FAT3: variants seen among roughly 807,000 people sequenced by gnomAD.
FAT3 encodes the protein protocadherin Fat 3.
A neutral mutation model predicts 310.2 loss-of-function variants in FAT3; 95 were observed. The ratio of observed to expected loss-of-function variants is 0.31; its 90% CI spans 0.26 to 0.36. The LOEUF (loss-of-function observed/expected upper bound fraction) is 0.36. Among genes scored for constraint, FAT3 ranks in the 10% least tolerant of loss-of-function variants. FAT3 has a pLI of 1.00. For synonymous variants in FAT3, 2,314 were observed against 2,192.9 expected (o/e 1.06, Z -1.54); for missense variants, 5,408 against 5,715.6 (o/e 0.95, Z 1.74).
At chr11:92,843,461 T>C (rs907297976) in intron 18 of FAT3, among the ~76,000 whole-genome samples, 5 of 152,236 alleles carry the variant, frequency 3.3e-5, no homozygotes, top group African/African-American at 1.2e-4. Context: ...ATTTGAAACC[T>C]TACCATGATA....
chr11:92,385,404 G>T (rs566835811), intron 2 of FAT3, among the ~76,000 whole-genome samples: 1 of 152,228 alleles, frequency 6.6e-6, no homozygotes, highest in South Asian at 2.1e-4. Flanking sequence ...ATCTTGCTCT[G>T]TTGCCCAGGC....
chr11:92,523,947 C>T (rs1953768568), intron 2 of FAT3, among the ~76,000 whole-genome samples: 1 of 152,160 alleles, frequency 6.6e-6, no homozygotes, highest in Non-Finnish European at 1.5e-5. Context: ...GAGCATCTCT[C>T]AAAGTGGCTC....
chr11:92,539,382 G>A (rs1954367843), intron 3 of FAT3, among the ~76,000 whole-genome samples: 1 of 152,066 alleles, frequency 6.6e-6, no homozygotes, highest in South Asian at 2.1e-4. Flanking sequence ...ATTTATATTT[G>A]CCTGCATATG....
At chr11:92,432,978 C>A (rs372703449) in intron 2 of FAT3, among the ~76,000 whole-genome samples, 53 of 152,280 alleles carry the variant, frequency 3.5e-4, no homozygotes, top group African/African-American at 1.3e-3. Flanking sequence ...AGAGGCTTTG[C>A]GGCACTACGT....
chr11:92,824,633 T>G (rs188353964), intron 13 of FAT3, among the ~76,000 whole-genome samples: 1 of 152,200 alleles, frequency 6.6e-6, no homozygotes, highest in Non-Finnish European at 1.5e-5. Context: ...TTATTTCTCA[T>G]GTACATAATT....
At chr11:92,886,342 T>TGG (rs1949796916) in intron 24 of FAT3, among the ~76,000 whole-genome samples, 1 of 151,950 alleles carries the variant, frequency 6.6e-6, no homozygotes, top group Non-Finnish European at 1.5e-5. Flanking sequence ...TGTGTGTGTG[T>TGG]GTGTGTGTGC....
At chr11:92,855,434 A>G (rs944842556) in intron 19 of FAT3, among the ~76,000 whole-genome samples, 28 of 152,266 alleles carry the variant, frequency 1.8e-4, no homozygotes, top group African/African-American at 6.5e-4. Context: ...TATTATCATC[A>G]TGTGTTTTCA....
chr11:92,362,969 CT>C (rs1405886919), intron 2 of FAT3, among the ~76,000 whole-genome samples: 1 of 152,146 alleles, frequency 6.6e-6, no homozygotes, highest in Admixed American at 6.5e-5. Flanking sequence ...CTAACTTATG[CT>C]CTCCACATCT....
chr11:92,608,258 A>G (rs1407943965), intron 3 of FAT3, among the ~76,000 whole-genome samples: 1 of 152,138 alleles, frequency 6.6e-6, no homozygotes, highest in African/African-American at 2.4e-5. Flanking sequence ...TTCCATTTCT[A>G]GTGAGTTGTT....
At chr11:92,846,880 G>A (rs1948696328) in intron 19 of FAT3, among the ~76,000 whole-genome samples, 2 of 152,186 alleles carry the variant, frequency 1.3e-5, no homozygotes, top group Admixed American at 6.5e-5. Context: ...GCTATAAAAT[G>A]AAATTCTAGA....
chr11:92,431,650 A>T (rs1950782976), intron 2 of FAT3, among the ~76,000 whole-genome samples: 1 of 152,198 alleles, frequency 6.6e-6, no homozygotes, highest in Non-Finnish European at 1.5e-5. Context: ...TTTAGGTCTA[A>T]CATGTAAGTC....
At chr11:92,393,967 A>G (rs149933583) in intron 2 of FAT3, among the ~76,000 whole-genome samples, 1 of 152,238 alleles carries the variant, frequency 6.6e-6, no homozygotes, top group Non-Finnish European at 1.5e-5. Context: ...TACGTGTTCT[A>G]TTATCTATCC....
intron 1 of FAT3, among the ~76,000 whole-genome samples, chr11:92,230,832 G>A (rs1211359739): frequency 2.0e-5 from 3 of 152,186 alleles, no homozygotes; most frequent in Non-Finnish European, 4.4e-5. Context: ...TCAAGGAGGA[G>A]GGAGAGATTA....
At chr11:92,634,132 T>C (rs942674662) in intron 3 of FAT3, among the ~76,000 whole-genome samples, 6 of 152,190 alleles carry the variant, frequency 3.9e-5, no homozygotes, top group Admixed American at 3.9e-4. Context: ...GATTCAGAAA[T>C]GCAGAGATTT....
In FAT3 at chr11:92,606,512, T is replaced by C. The variant is rs540151822; in HGVS notation, c.3607+81564T>C. On this transcript the variant is annotated intron_variant, in intron 3 of 27. Transcript: ENST00000525166. ...GCTGCTTCTGCTCTCCCACCTCGTC[T>C]TTCCAGCTCACCGATTAGCAAATGT... 3.3e-5 allele frequency among the ~76,000 whole-genome samples: 5 copies of C among 152,290 alleles called. 1 individual carries two copies. The South Asian group carries it at 1.0e-3, about 32-fold the overall frequency.
chr11:92,358,790 T>C lies in FAT3; in HGVS notation c.3292+3386T>C, dbSNP rs141233886. On this transcript the variant is annotated intron_variant, in intron 2 of 27. Transcript: ENST00000525166. The stretch of plus-strand genomic sequence containing the variant: ...TTACTACTGTTGAATGATCCATCAA[T>C]TTTTTGCTTCCAAGTGCTAAAAAAA... Among the ~76,000 whole-genome samples the C allele has an allele frequency of 1.3e-3, 191 of 152,250 alleles. 1 individual carries two copies. The highest frequency in any genetic ancestry group is 4.3e-3 in the African/African-American group (179 of 41,546).
chr11:92,422,329 A>G (rs1950548355), intron 2 of FAT3, among the ~76,000 whole-genome samples: 1 of 152,026 alleles, frequency 6.6e-6, no homozygotes, highest in Non-Finnish European at 1.5e-5. Context: ...TTCAAATTCT[A>G]TTTCTGCCCC....
chr11:92,614,111 T>C (rs139433262), intron 3 of FAT3, among the ~76,000 whole-genome samples: 1 of 152,282 alleles, frequency 6.6e-6, no homozygotes, highest in Non-Finnish European at 1.5e-5. Context: ...TATTCCATGG[T>C]ATAGATATAC....
rs754541101 is a variant in FAT3 at position 92,799,445 on chromosome 11, A to G, written c.6432A>G (p.Ala2144=). Residue 2144 remains alanine (A), a synonymous_variant, in exon 10 of 28, where the codon GCA becomes GCG. Transcript: ENST00000525166. ...CAGGGAATGTTATTTTAAAGGAAGC[A>G]TTCAACTCTGACTTGTCCAACATTG... is the stretch of plus-strand genomic sequence containing the variant. The part of the protein sequence containing the change: ...PNSGNVILKE[A]FNSDLSNIEY... 41 of 1,613,560 alleles carry G rather than the reference A, an allele frequency of 2.5e-5. No homozygotes were observed. In the Admixed American group the frequency reaches 6.2e-4, roughly 24 times the overall value.
Sources: gnomAD v4.1 joint callset for allele counts (sites outside exome capture counted in the v4.1 genomes callset) on GRCh38, gnomAD v4.1.1 for gene constraint, MANE v1.5 for transcripts, NCBI Gene and HGNC (gene_info 2026-07-23, HGNC 2026-07-21) for gene names.